The following PLEKHA7 variants were observed in gnomAD, a reference collection of about 807,000 sequenced individuals.
The protein encoded by PLEKHA7 is pleckstrin homology domain containing A7.
PLEKHA7 carries 104 observed loss-of-function variants against 170.0 expected under a neutral mutation model. The observed-to-expected ratio is 0.61, with a 90% CI of 0.52 to 0.72. The LOEUF is 0.72. PLEKHA7 is among the 30% of genes least tolerant of loss of function. The pLI is 0.00. For synonymous variants in PLEKHA7, 648 were observed against 660.8 expected (o/e 0.98, Z 0.30); for missense variants, 1,615 against 1,671.7 (o/e 0.97, Z 0.59).
intron 4 of PLEKHA7, 104 bp from the exon 5 acceptor site, chr11:16,856,018 A>C (rs1407426612): frequency 2.2e-6 from 2 of 907,630 alleles, no homozygotes; most frequent in Non-Finnish European, 3.5e-6. Context: ...CCTTAGAACA[A>C]CCCAACCCTG....
chr11:16,904,135 T>C (rs1232080609), intron 3 of PLEKHA7, among the ~76,000 whole-genome samples: 7 of 152,230 alleles, frequency 4.6e-5, no homozygotes, highest in Non-Finnish European at 7.3e-5. Context: ...CAGGCCTTCA[T>C]TGGCTTAAAA....
At chr11:16,908,582 GCTT>G (rs1202734669) in intron 3 of PLEKHA7, among the ~76,000 whole-genome samples, 1 of 151,320 alleles carries the variant, frequency 6.6e-6, no homozygotes, top group Non-Finnish European at 1.5e-5. Context: ...TGAAACCTCT[GCTT>G]CTGGGGTTCA....
At chr11:16,822,397 G>C (rs1275154064) in intron 10 of PLEKHA7, among the ~76,000 whole-genome samples, 1 of 151,084 alleles carries the variant, frequency 6.6e-6, no homozygotes, top group Non-Finnish European at 1.5e-5. Flanking sequence ...GTGGAAAAAG[G>C]GTTTCTGTTA....
chr11:16,984,189 G>A (rs879691064), intron 3 of PLEKHA7, among the ~76,000 whole-genome samples: 4 of 151,828 alleles, frequency 2.6e-5, no homozygotes, highest in East Asian at 1.9e-4. Flanking sequence ...TCTATTCTAC[G>A]TACAACAACC....
chr11:16,944,261 G>A (rs1049081015), intron 3 of PLEKHA7, among the ~76,000 whole-genome samples: 2 of 152,054 alleles, frequency 1.3e-5, no homozygotes, highest in Admixed American at 1.3e-4. Flanking sequence ...GGCTGAGGCA[G>A]GAGAATTGCT....
At chr11:16,939,542 A>C (rs1860539110) in intron 3 of PLEKHA7, among the ~76,000 whole-genome samples, 1 of 152,264 alleles carries the variant, frequency 6.6e-6, no homozygotes, top group Admixed American at 6.5e-5. Flanking sequence ...TTATTGAGTC[A>C]ATTTAAAGAA....
intron 3 of PLEKHA7, among the ~76,000 whole-genome samples, chr11:16,906,264 AAGGAAGGAAGGAAGG>A (rs1282529727): frequency 2.5e-5 from 3 of 118,912 alleles, no homozygotes; most frequent in Non-Finnish European, 3.7e-5. Flanking sequence ...GGAAGGAAGG[AAGGAAGGAAGGAAGG>A]AAAGAAAGAA....
At chr11:16,979,713 T>TA (rs1269716639) in intron 3 of PLEKHA7, among the ~76,000 whole-genome samples, 2,523 of 146,276 alleles carry the variant, frequency 0.017, 61 homozygotes, top group East Asian at 0.085. Context: ...TCAGCAAGAT[T>TA]AAAAAAAAAA....
At chr11:16,912,150 G>A (rs2136164571) in intron 3 of PLEKHA7, among the ~76,000 whole-genome samples, 1 of 152,302 alleles carries the variant, frequency 6.6e-6, no homozygotes, top group Admixed American at 6.5e-5. Context: ...GGGTATGGCA[G>A]ACACACCTTA....
At chr11:16,835,086 A>G (rs986341350) in intron 9 of PLEKHA7, among the ~76,000 whole-genome samples, 14 of 152,008 alleles carry the variant, frequency 9.2e-5, no homozygotes, top group African/African-American at 3.4e-4. Flanking sequence ...CCTGGGCACC[A>G]TGGTGAAACC....
chr11:16,899,358 G>A (rs934133234), intron 3 of PLEKHA7, among the ~76,000 whole-genome samples: 2 of 152,268 alleles, frequency 1.3e-5, no homozygotes, highest in Admixed American at 6.5e-5. Flanking sequence ...TTAGCCGGGC[G>A]TGGTGGCACA....
Position 16,816,871 on chromosome 11 carries a change from G to C in PLEKHA7, c.1795C>G (p.Pro599Ala), listed in dbSNP as rs377618900. 1.1e-5 allele frequency: 17 copies of C among 1,614,024 alleles called. No individual in the cohort carries two copies. The highest frequency in any genetic ancestry group is 1.3e-5 in the African/African-American group (1 of 74,930). The change falls in exon 11 of 27, where the codon CCG becomes GCG. Residue 599 changes from proline (P) to alanine (A), a missense_variant. Pro to Ala is a conservative substitution (Grantham distance 27). Transcript: ENST00000531066. ...ATGTCCACACTCCTCCTCTGGTCCG[G>C]TGGCTTCACTGTGACTCGCTCTGCT... ...TPAERVTVKP[P>A]DQRRSVDISL...
At position 16,801,692 on chromosome 11, in the gene PLEKHA7, T is replaced by C; in HGVS notation, c.2283A>G (p.Arg761=). The C allele has an allele frequency of 3.1e-6, 5 of 1,614,084 alleles. No homozygotes were observed. The highest frequency in any genetic ancestry group is 4.2e-6 in the Non-Finnish European group (5 of 1,179,992). The change falls in exon 16 of 27, where the codon CGA becomes CGG. Residue 761 remains arginine (R), a synonymous_variant. Transcript: ENST00000531066. ...KLLQEDLVHI[R]AELSRESTEM... The stretch of plus-strand genomic sequence containing the variant: ...CAGTGGACTCTCTGGAGAGCTCAGC[T>C]CGGATATGGACAAGGTCCTCCTGCA...
intron 3 of PLEKHA7, among the ~76,000 whole-genome samples, chr11:16,974,304 T>G (rs1307718561): frequency 6.6e-6 from 1 of 151,728 alleles, no homozygotes; most frequent in Admixed American, 6.6e-5. Context: ...TTCTTTTTTT[T>G]TTTTTTTGGT....
chr11:16,817,748 G>A lies in PLEKHA7; in HGVS notation c.1344-426C>T, dbSNP rs68072642. On this transcript the variant is annotated intron_variant, in intron 10 of 26. Transcript: ENST00000531066. This position sits in a 1 kb window ranked among gnomAD's most constrained non-coding sequence, Gnocchi z 4.4. The stretch of plus-strand genomic sequence containing the variant: ...TTCATAAAGGAAGTGGTTGGCATCA[G>A]TTCTCTTTTTTCTGGACTCTTCTAG... Among the ~76,000 whole-genome samples the A allele has an allele frequency of 0.17, 26,391 of 152,114 alleles. 2,445 individuals carry two copies. Among genetic ancestry groups the A allele is most frequent in the Non-Finnish European group, 0.21 (14,611 of 67,976 alleles).
rs775665888 is a variant in PLEKHA7 at position 16,816,947 on chromosome 11, G to A, written c.1719C>T (p.Ile573=). 1.9e-6 allele frequency: 3 copies of A among 1,612,870 alleles called. No homozygotes were observed. The highest frequency in any genetic ancestry group is 1.1e-5 in the South Asian group (1 of 90,918). ...AGACCCTTGGGGGTCCTGGGGGAGG[G>A]ATGTCCGAGGGAGATGGAGGCACAG... ...SISVPPSPSD[I]PPPGPPRVFP... is the part of the protein sequence containing the mutation. The change falls in exon 11 of 27, where the codon ATC becomes ATT. Residue 573 remains isoleucine (I), a synonymous_variant. Coordinates refer to ENST00000531066, the MANE Select transcript of PLEKHA7 (RefSeq NM_001329630.2).
chr11:16,875,391 A>G (rs1336751086), intron 3 of PLEKHA7, among the ~76,000 whole-genome samples: 1 of 152,104 alleles, frequency 6.6e-6, no homozygotes, highest in Non-Finnish European at 1.5e-5. Flanking sequence ...ACATTGAGAA[A>G]AGAGATGAAC....
intron 24 of PLEKHA7, among the ~76,000 whole-genome samples, chr11:16,785,486 CA>C (rs1849334851): frequency 6.6e-6 from 1 of 152,162 alleles, no homozygotes; most frequent in East Asian, 1.9e-4. Context: ...ACTAGGGATA[CA>C]AAGGTGAACC....
chr11:16,947,011 G>A (rs575085302), intron 3 of PLEKHA7, among the ~76,000 whole-genome samples: 2 of 152,224 alleles, frequency 1.3e-5, no homozygotes, highest in Non-Finnish European at 2.9e-5. Flanking sequence ...ACGCAGCTGC[G>A]CCAGCACCCC....
Sources: gnomAD v4.1 joint callset for allele counts (sites outside exome capture counted in the v4.1 genomes callset) on GRCh38, gnomAD v4.1.1 for gene constraint, Gnocchi (gnomAD v3.1) non-coding constraint, MANE v1.5 for transcripts, NCBI Gene and HGNC (gene_info 2026-07-23, HGNC 2026-07-21) for gene names.